Variants in UTP20 observed in about 807,000 individuals in gnomAD.
UTP20 encodes UTP20 small subunit processome component.
A neutral mutation model predicts 329.5 loss-of-function variants in UTP20; 164 were observed. The observed-to-expected ratio is 0.50, with a 90% CI of 0.44 to 0.57. UTP20 has a LOEUF of 0.57. UTP20 is among the 20% of genes least tolerant of loss of function. UTP20 has a pLI of 0.00. For synonymous variants in UTP20, 1,151 were observed against 1,159.3 expected, an observed-to-expected ratio of 0.99 and a Z score of 0.14; for missense variants, 3,055 against 3,284.2, an observed-to-expected ratio of 0.93 and a Z score of 1.71.
intron 18 of UTP20, 151 bp from the exon 19 acceptor site, chr12:101,309,612 A>G (rs767306694): frequency 1.7e-6 from 1 of 601,652 alleles, no homozygotes; most frequent in Non-Finnish European, 2.9e-6. Flanking sequence ...GTATACATTG[A>G]ATTTTGGATT....
intron 32 of UTP20, 93 bp from the exon 33 acceptor site, chr12:101,342,353 C>A: frequency 9.8e-7 from 1 of 1,024,972 alleles, no homozygotes; most frequent in Non-Finnish European, 1.3e-6. Context: ...ACATCTTATT[C>A]ACAATTGTTT....
intron 38 of UTP20, among the ~76,000 whole-genome samples, chr12:101,347,242 G>T (rs1869355095): frequency 6.6e-6 from 1 of 152,142 alleles, no homozygotes; most frequent in Non-Finnish European, 1.5e-5. Flanking sequence ...GATTAATGAG[G>T]TCAAGTGCAG....
In UTP20 at chr12:101,329,441, C is replaced by A. The variant is rs941358128; in HGVS notation, c.3409C>A (p.Arg1137=). ...TATVSHILDQ[R]EKIQLRFINP... ...AACCGTATCACACATCCTTGACCAACGAGAAAAGGTTAGATTCACTATAGA... is the reference window on the plus strand; with the variant it reads ...AACCGTATCACACATCCTTGACCAAAGAGAAAAGGTTAGATTCACTATAGA... The change falls in exon 27 of 62, where the codon CGA becomes AGA. Residue 1137 remains arginine, a synonymous_variant. Coordinates refer to ENST00000261637, the MANE Select transcript of UTP20 (RefSeq NM_014503.3). 1 of 1,611,428 alleles carries A rather than the reference C, an allele frequency of 6.2e-7. No homozygotes were observed. The highest frequency in any genetic ancestry group is 2.2e-5 in the East Asian group (1 of 44,746).
rs755785033 is a variant in UTP20, at chr12:101,290,323, G to A, written c.735+49G>A. 4 of 1,535,090 alleles carry A rather than the reference G, an allele frequency of 2.6e-6. No homozygotes were observed. The Admixed American group carries it at 8.6e-5, about 33-fold the overall frequency. ...AGAGTCTATGTGGATGGATGAAACA[G>A]AAAGTAGAAAAGAATGAGGCAAATG... On this transcript the variant is annotated intron_variant, in intron 7 of 61. Transcript: ENST00000261637.
At chr12:101,311,892 A>T (rs1872804773) in intron 20 of UTP20, 94 bp downstream of exon 20, 1 of 1,553,568 alleles carries the variant, frequency 6.4e-7, no homozygotes, top group Non-Finnish European at 8.7e-7. Context: ...TGGAAAACAG[A>T]GATGAAACAT....
chr12:101,386,216 T>G lies in UTP20; in HGVS notation c.*93T>G, dbSNP rs1338248893. 1.6e-6 allele frequency: 2 copies of G among 1,227,100 alleles called. No homozygotes were observed. Among genetic ancestry groups the G allele is most frequent in the Non-Finnish European group, 2.3e-6 (2 of 878,232 alleles). 76.0% of individuals were successfully genotyped at this position (1,227,100 alleles called of 1,614,324 possible). A position where few individuals can be genotyped will look rare whatever the true frequency, so the allele number is the denominator to read the frequency against. ...TGTCTGGGGTAGGGGGGAGGCGTTT[T>G]TTTTTTTTTTTGAGACAAGGTCTCA... On this transcript the variant is annotated 3_prime_UTR_variant, in exon 62 of 62. Coordinates refer to ENST00000261637, the MANE Select transcript of UTP20 (RefSeq NM_014503.3).
chr12:101,361,654 AATAAATAAATAAATAAAT>A (rs79539235), intron 43 of UTP20, among the ~76,000 whole-genome samples: 3,267 of 128,152 alleles, frequency 0.025, 52 homozygotes, highest in Non-Finnish European at 0.037. Context: ...TAAATAAATA[AATAAATAAATAAATAAAT>A]AAATAAAGTT....
chr12:101,344,840 C>A, intron 36 of UTP20, 90 bp downstream of exon 36: 1 of 1,096,980 alleles, frequency 9.1e-7, no homozygotes, highest in South Asian at 1.5e-5. Flanking sequence ...GAAAAGTAGT[C>A]AGGCTTAGTG....
intron 25 of UTP20, chr12:101,326,780 G>C (rs896796026): frequency 3.7e-5 from 7 of 188,936 alleles, no homozygotes; most frequent in African/African-American, 1.6e-4. Context: ...ATAGAGACGT[G>C]GTCTCACTAA....
At chr12:101,346,684 C>G (rs1447606497) in intron 38 of UTP20, 96 bp downstream of exon 38, 1 of 1,247,120 alleles carries the variant, frequency 8.0e-7, no homozygotes, top group Non-Finnish European at 1.1e-6. Flanking sequence ...GTGTTGATGT[C>G]ATCACCATAA....
chr12:101,333,379 T>C lies in UTP20; in HGVS notation c.3496T>C (p.Trp1166Arg). The change falls in exon 28 of 62, where the codon TGG becomes CGG. Residue 1166 changes from tryptophan (W) to arginine (R), a missense_variant. Around this residue, in one of 3 missense-constraint regions of UTP20, gnomAD observed 2,445 missense variants for 2,575.5 expected, o/e 0.95. Transcript: ENST00000261637. Reference protein sequence around the residue: ...IKMVTDIFLDWESYQFRTEEI... With the variant: ...IKMVTDIFLDRESYQFRTEEI... ...AATGGTAACTGATATCTTTTTGGACTGGGAATCATATCAGTTTAGAACAGA... is the reference window on the plus strand; with the variant it reads ...AATGGTAACTGATATCTTTTTGGACCGGGAATCATATCAGTTTAGAACAGA... 1 of 1,614,138 alleles carries C rather than the reference T, an allele frequency of 6.2e-7. No homozygotes were observed. The highest frequency in any genetic ancestry group is 8.5e-7 in the Non-Finnish European group (1 of 1,179,978).
intron 19 of UTP20, 36 bp from the exon 20 acceptor site, chr12:101,311,683 C>CA (rs1872794906): frequency 6.4e-7 from 1 of 1,569,394 alleles, no homozygotes; most frequent in African/African-American, 1.4e-5. Flanking sequence ...ATGGCCATAC[C>CA]ACACTTTTTA....
chr12:101,320,955 T>A lies in UTP20; in HGVS notation c.2915+18T>A. On this transcript the variant is annotated intron_variant, in intron 24 of 61. Coordinates refer to ENST00000261637, the MANE Select transcript of UTP20 (RefSeq NM_014503.3). ...CCTTACAGGTAAGTTACTTGAAGCT[T>A]AAAGAACTGTTATTTCTTCAGCTGA... 6.3e-7 allele frequency: 1 copy of A among 1,582,700 alleles called. No homozygotes were observed. Among genetic ancestry groups the A allele is most frequent in the South Asian group, 1.2e-5 (1 of 85,828 alleles).
At chr12:101,329,201 T>C (rs368724117) in intron 26 of UTP20, 40 bp from the exon 27 acceptor site, 10 of 1,531,274 alleles carry the variant, frequency 6.5e-6, no homozygotes, top group Non-Finnish European at 9.0e-6. Context: ...CAAACTAATA[T>C]GTTACCTTAC....
At chr12:101,307,294 TAC>T (rs35767250) in intron 17 of UTP20, among the ~76,000 whole-genome samples, 42,273 of 146,696 alleles carry the variant, frequency 0.29, 6,534 homozygotes, top group East Asian at 0.5. Flanking sequence ...ACTTTTTGAA[TAC>T]ACACACACAC....
At chr12:101,331,620 G>A (rs1309903378) in intron 27 of UTP20, among the ~76,000 whole-genome samples, 1 of 152,144 alleles carries the variant, frequency 6.6e-6, no homozygotes, top group Non-Finnish European at 1.5e-5. Flanking sequence ...TGCTGTATCA[G>A]ATTCAAATAC....
intron 33 of UTP20, 72 bp downstream of exon 33, chr12:101,342,661 G>A: frequency 1.3e-6 from 2 of 1,544,878 alleles, no homozygotes; most frequent in Non-Finnish European, 1.8e-6. Context: ...AACCATATTA[G>A]GGGCTTTCTT....
intron 38 of UTP20, among the ~76,000 whole-genome samples, chr12:101,348,226 A>G (rs1869397415): frequency 6.6e-6 from 1 of 152,180 alleles, no homozygotes; most frequent in South Asian, 2.1e-4. Context: ...CTTGTTTTTT[A>G]TCCAGTCCAA....
intron 2 of UTP20, among the ~76,000 whole-genome samples, chr12:101,283,050 C>T (rs761800673): frequency 1.3e-5 from 2 of 152,188 alleles, no homozygotes; most frequent in Non-Finnish European, 2.9e-5. Flanking sequence ...ATTTGAAATA[C>T]CTTTGGCCAT....
Sources: allele counts gnomAD v4.1 joint callset (sites outside exome capture counted in the v4.1 genomes callset), GRCh38; gene constraint gnomAD v4.1.1; regional missense constraint gnomAD v4.1.1; transcripts MANE v1.5; gene names NCBI Gene and HGNC (gene_info 2026-07-23, HGNC 2026-07-21).